LRRK2: variants seen among roughly 807,000 people sequenced by gnomAD.
The protein encoded by LRRK2 is leucine rich repeat kinase 2.
Under a neutral mutation model 302.6 loss-of-function variants are expected in LRRK2, and 203 were observed. The observed-to-expected ratio is 0.67, with a 90% CI of 0.60 to 0.75. The LOEUF (loss-of-function observed/expected upper bound fraction) is 0.75, where lower values mean the gene tolerates loss of function less well. Ranked by LOEUF, LRRK2 falls within the 30% of genes least tolerant of loss-of-function variation. The pLI, the probability that LRRK2 is intolerant of heterozygous loss-of-function variation, is 0.00. For missense variants in LRRK2, 2,830 were observed against 2,951.0 expected (o/e 0.96, Z 0.95); for synonymous variants, 1,066 against 1,031.9 (o/e 1.03, Z -0.63).
intron 1 of LRRK2, 26 bp downstream of exon 1, chr12:40,225,308 T>A: frequency 6.2e-7 from 1 of 1,612,820 alleles, no homozygotes; most frequent in Non-Finnish European, 8.5e-7. Flanking sequence ...TAAACTGTGC[T>A]TTTATTTTTG....
chr12:40,322,236 A>AG, intron 36 of LRRK2, 55 bp downstream of exon 36: 1 of 711,236 alleles, frequency 1.4e-6, no homozygotes, highest in South Asian at 2.2e-5. Context: ...ATTTAAACTT[A>AG]AAAAAAAAAA....
chr12:40,326,478 AAAAAAAAAAAG>A (rs1565753935), intron 38 of LRRK2, among the ~76,000 whole-genome samples: 1 of 106,834 alleles, frequency 9.4e-6, no homozygotes, highest in Non-Finnish European at 1.8e-5. Context: ...AAAAAAAAAG[AAAAAAAAAAAG>A]AAAAAAAAAA....
rs200248746 is a variant in LRRK2 at position 40,356,154 on chromosome 12, C to A, written c.6810C>A (p.Gly2270=). Residue 2270 remains glycine, a synonymous_variant, in exon 46 of 51, where the codon GGC becomes GGA. Transcript: ENST00000298910. ...TTCTTTTGGTTGGAACCGCTGATGG[C>A]AAGTTAGCAATTTTTGAAGATAAGA... ...KNFLLVGTAD[G]KLAIFEDKTV... The A allele has an allele frequency of 2.0e-5, 33 of 1,612,092 alleles. No individual in the cohort carries two copies. The highest frequency in any genetic ancestry group is 1.3e-5 in the Non-Finnish European group (15 of 1,179,206).
chr12:40,278,999 C>A (rs1464152607), intron 18 of LRRK2, among the ~76,000 whole-genome samples: 1 of 151,690 alleles, frequency 6.6e-6, no homozygotes, highest in South Asian at 2.1e-4. Context: ...TTCAGAATAT[C>A]GAGCTCATTG....
chr12:40,260,955 A>G (rs1942744775), intron 13 of LRRK2, among the ~76,000 whole-genome samples: 1 of 152,266 alleles, frequency 6.6e-6, no homozygotes, highest in South Asian at 2.1e-4. Flanking sequence ...TTCTCTAGTT[A>G]TATAGGTATT....
At chr12:40,265,730 C>T (rs1036752104) in intron 14 of LRRK2, among the ~76,000 whole-genome samples, 3 of 152,092 alleles carry the variant, frequency 2.0e-5, no homozygotes, top group African/African-American at 7.2e-5. Context: ...GCATGCTCCC[C>T]ACGCTACCTG....
At chr12:40,280,452 C>G (rs1943639761) in intron 18 of LRRK2, among the ~76,000 whole-genome samples, 1 of 151,102 alleles carries the variant, frequency 6.6e-6, no homozygotes, top group Admixed American at 6.6e-5. Flanking sequence ...AGTTAGACCC[C>G]CATGTCTACA....
At chr12:40,338,655 A>G (rs189419398) in intron 40 of LRRK2, among the ~76,000 whole-genome samples, 11 of 152,340 alleles carry the variant, frequency 7.2e-5, no homozygotes, top group Admixed American at 6.5e-4. Flanking sequence ...GAACATTTTA[A>G]CTAACCAAGA....
chr12:40,259,445 G>A (rs200965865), intron 12 of LRRK2, 35 bp from the exon 13 acceptor site: 1 of 1,612,128 alleles, frequency 6.2e-7, no homozygotes, highest in Non-Finnish European at 8.5e-7. Flanking sequence ...AATCAGATCA[G>A]TCTTTCAATA....
At chr12:40,263,476 T>C (rs1942867146) in intron 13 of LRRK2, among the ~76,000 whole-genome samples, 1 of 152,184 alleles carries the variant, frequency 6.6e-6, no homozygotes, top group Admixed American at 6.6e-5. Flanking sequence ...TCTTCCAGCA[T>C]CTTAAAGCAC....
intron 14 of LRRK2, among the ~76,000 whole-genome samples, 190 bp from the exon 15 acceptor site, chr12:40,274,393 C>A (rs955340978): frequency 6.6e-6 from 1 of 151,998 alleles, no homozygotes; most frequent in Non-Finnish European, 1.5e-5. Flanking sequence ...AACAAGCTCT[C>A]CTTAATTGTA....
At chr12:40,301,250 C>A (rs192451060) in intron 25 of LRRK2, among the ~76,000 whole-genome samples, 2 of 152,008 alleles carry the variant, frequency 1.3e-5, no homozygotes, top group South Asian at 4.1e-4. Context: ...ATGGTGAAAC[C>A]CTGTCTCTAC....
At chr12:40,363,794 C>T (rs908266656) in intron 48 of LRRK2, among the ~76,000 whole-genome samples, 1 of 151,866 alleles carries the variant, frequency 6.6e-6, no homozygotes. Context: ...AGAATGTTCT[C>T]GAATGAAAAT....
At position 40,243,558 on chromosome 12, in the gene LRRK2, G is replaced by T; in HGVS notation, c.715G>T (p.Val239Leu). Residue 239 changes from valine to leucine, a missense_variant, in exon 7 of 51, where the codon GTG becomes TTG. Coordinates refer to ENST00000298910, the MANE Select transcript of LRRK2 (RefSeq NM_198578.4). ...GATCTCTTTAAATTCAGGCAATAATGTGGAAGTCCTCATGAGTGGCAATGT... is the reference window on the plus strand; with the variant it reads ...GATCTCTTTAAATTCAGGCAATAATTTGGAAGTCCTCATGAGTGGCAATGT... The part of the protein sequence containing the change: ...LHSLAIPCNN[V>L]EVLMSGNVRC... 6.2e-7 allele frequency: 1 copy of T among 1,611,350 alleles called. No homozygotes were observed. Among genetic ancestry groups the T allele is most frequent in the Non-Finnish European group, 8.5e-7 (1 of 1,178,142 alleles).
intron 30 of LRRK2, among the ~76,000 whole-genome samples, chr12:40,309,687 C>T (rs747304867): frequency 7.2e-5 from 11 of 152,060 alleles, no homozygotes; most frequent in Non-Finnish European, 1.3e-4. Context: ...CATCTGGAAT[C>T]TCCCTTTTGT....
At position 40,276,532 on chromosome 12, in the gene LRRK2, G is replaced by C. The variant is rs144146705; in HGVS notation, c.1942-1356G>C. Among the ~76,000 whole-genome samples, 997 of 152,330 alleles carry C rather than the reference G, an allele frequency of 6.5e-3. 10 individuals are homozygous for C. Among genetic ancestry groups the C allele is most frequent in the African/African-American group, 0.022 (933 of 41,576 alleles). ...GCTGGTCTCAAACTCCTGACCTCAA[G>C]TGATTCACTCACCTCGGACTCCCAA... On this transcript the variant is annotated intron_variant, in intron 16 of 50. Transcript: ENST00000298910.
chr12:40,326,202 T>C (rs10878377), intron 38 of LRRK2, among the ~76,000 whole-genome samples: 106,203 of 152,056 alleles, frequency 0.7, 37,403 homozygotes, highest in African/African-American at 0.77. Context: ...CAGTGGCTCA[T>C]GCCTGTAATC....
At chr12:40,228,062 C>A (rs1940984339) in intron 2 of LRRK2, 1 of 152,064 alleles carries the variant, frequency 6.6e-6, no homozygotes, top group South Asian at 2.1e-4. Flanking sequence ...TCAGATATAT[C>A]TTTGATATAC....
At chr12:40,255,182 G>A (rs1942446851) in intron 11 of LRRK2, among the ~76,000 whole-genome samples, 1 of 152,068 alleles carries the variant, frequency 6.6e-6, no homozygotes, top group African/African-American at 2.4e-5. Flanking sequence ...AACTGTAGTA[G>A]GGAAGATAAT....
Sources: allele counts gnomAD v4.1 joint callset (sites outside exome capture counted in the v4.1 genomes callset), GRCh38; gene constraint gnomAD v4.1.1; transcripts MANE v1.5; gene names NCBI Gene and HGNC (gene_info 2026-07-23, HGNC 2026-07-21).